The following AFF3 variants were observed in gnomAD, a reference collection of about 807,000 sequenced individuals.
The protein encoded by AFF3 is AF4/FMR2 family member 3.
In AFF3, 32 loss-of-function variants were observed where a neutral mutation model predicts 129.7. That is an observed-to-expected ratio of 0.25 (90% CI 0.19 to 0.33). The LOEUF is 0.33. Ranked by LOEUF, AFF3 falls within the 10% of genes least tolerant of loss-of-function variation. The probability of loss-of-function intolerance (pLI) is 1.00; values close to 1 mark genes in which losing one functional copy is unlikely to be tolerated. For missense variants in AFF3, 1,373 were observed against 1,592.0 expected (o/e 0.86, Z 2.34); for synonymous variants, 644 against 635.4 (o/e 1.01, Z -0.20).
chr2:99,908,582 C>G (rs111842926), intron 7 of AFF3, among the ~76,000 whole-genome samples: 257 of 152,136 alleles, frequency 1.7e-3, no homozygotes, highest in African/African-American at 6.0e-3. Context: ...ACTCATCTGA[C>G]AAAGGGAATA....
intron 10 of AFF3, among the ~76,000 whole-genome samples, chr2:99,732,246 T>G (rs1468878418): frequency 2.0e-5 from 3 of 151,374 alleles, no homozygotes; most frequent in Non-Finnish European, 2.9e-5. Flanking sequence ...TCCTAGCTAC[T>G]CGGGAGGCTG....
At chr2:100,057,138 C>T (rs759430124) in intron 4 of AFF3, among the ~76,000 whole-genome samples, 6 of 151,992 alleles carry the variant, frequency 3.9e-5, no homozygotes, top group Admixed American at 1.3e-4. Flanking sequence ...GTGGCCAACA[C>T]GGTGAAACTC....
intron 7 of AFF3, among the ~76,000 whole-genome samples, chr2:99,975,351 C>T (rs1276707490): frequency 6.6e-6 from 1 of 152,176 alleles, no homozygotes; most frequent in African/African-American, 2.4e-5. Flanking sequence ...AATTATCTAA[C>T]TATCTAGACT....
intron 4 of AFF3, among the ~76,000 whole-genome samples, chr2:100,096,594 A>G (rs1690315780): frequency 6.7e-6 from 1 of 149,218 alleles, no homozygotes; most frequent in Non-Finnish European, 1.5e-5. Flanking sequence ...TGGTCTGTGG[A>G]CCAAAACTAA....
In AFF3 at chr2:99,769,534, C is replaced by A. The variant is rs572641070; in HGVS notation, c.922-17233G>T. 2.0e-5 allele frequency among the ~76,000 whole-genome samples: 3 copies of A among 152,200 alleles called. No individual in the cohort carries two copies. The East Asian group carries it at 5.8e-4, about 29-fold the overall frequency. On this transcript the variant is annotated intron_variant, in intron 8 of 24. Transcript: ENST00000672756. ...TAGTTCATTTGGTGAGGCTGTTTTC[C>A]TGGATGATGTTGATGCTTGCAGATG... is the stretch of plus-strand genomic sequence containing the variant.
Position 99,593,699 on chromosome 2 carries a change from C to G in AFF3, c.1962G>C (p.Gly654=), listed in dbSNP as rs1225404344. 1.2e-6 allele frequency: 2 copies of G among 1,608,962 alleles called. No individual in the cohort carries two copies. Among genetic ancestry groups the G allele is most frequent in the Non-Finnish European group, 1.7e-6 (2 of 1,176,930 alleles). ...SVTCEKRRTR[G]LSRIVPKSKE... is the part of the protein sequence containing the mutation. ...TGGATTTGGGGACGATCCTGCTTAG[C>G]CCCCGCGTGCGGCGCTTCTCGCAGG... The change falls in exon 15 of 25, where the codon GGG becomes GGC. Residue 654 remains glycine, a synonymous_variant. Coordinates refer to ENST00000672756, the MANE Select transcript of AFF3 (RefSeq NM_001386135.1).
At chr2:100,002,981 CT>C (rs1349401917) in intron 7 of AFF3, among the ~76,000 whole-genome samples, 1 of 151,896 alleles carries the variant, frequency 6.6e-6, no homozygotes, top group Non-Finnish European at 1.5e-5. Context: ...GCTAATGTAA[CT>C]TTTTTCAAAT....
At chr2:100,106,418 A>G in intron 2 of AFF3, 1 of 1,047,872 alleles carries the variant, frequency 9.5e-7, no homozygotes, top group Non-Finnish European at 1.2e-6. Context: ...ATCCCAATGC[A>G]CAGTGTATTT....
intron 7 of AFF3, among the ~76,000 whole-genome samples, chr2:99,918,984 T>TCC (rs1346788913): frequency 6.6e-6 from 1 of 152,188 alleles, no homozygotes; most frequent in African/African-American, 2.4e-5. Context: ...TGCCTGGCTA[T>TCC]CCTCCTTTAA....
intron 8 of AFF3, among the ~76,000 whole-genome samples, chr2:99,776,825 G>A (rs62150111): frequency 0.03 from 4,534 of 152,238 alleles, 83 homozygotes; most frequent in Non-Finnish European, 0.04. Context: ...GTAAGGGCTC[G>A]GCTCTGAGGC....
intron 11 of AFF3, among the ~76,000 whole-genome samples, chr2:99,714,057 AT>A (rs1309938329): frequency 6.6e-6 from 1 of 152,126 alleles, no homozygotes; most frequent in Non-Finnish European, 1.5e-5. Flanking sequence ...GGACCTTCCA[AT>A]GTCGTGCCAG....
At chr2:99,643,337 C>T (rs984765834) in intron 13 of AFF3, among the ~76,000 whole-genome samples, 7 of 152,274 alleles carry the variant, frequency 4.6e-5, no homozygotes, top group East Asian at 1.9e-4. Context: ...GGATTACAGG[C>T]ATGAGCTACC....
At chr2:99,982,392 G>C (rs1028331863) in intron 7 of AFF3, among the ~76,000 whole-genome samples, 2 of 152,084 alleles carry the variant, frequency 1.3e-5, no homozygotes, top group African/African-American at 4.8e-5. Context: ...TTCTTGCCTT[G>C]CCTTCCGCCA....
intron 7 of AFF3, among the ~76,000 whole-genome samples, chr2:99,925,539 A>C (rs1453906684): frequency 1.3e-5 from 2 of 152,166 alleles, no homozygotes; most frequent in African/African-American, 2.4e-5. Context: ...CACTCAGTGA[A>C]AGTTTGTGAA....
intron 1 of AFF3, among the ~76,000 whole-genome samples, chr2:100,132,134 TAGAC>T (rs1374561880): frequency 6.6e-6 from 1 of 152,186 alleles, no homozygotes; most frequent in East Asian, 1.9e-4. Context: ...ATGCCTCAGT[TAGAC>T]AGGAGGAATA....
chr2:100,018,264 G>A (rs1194664281), intron 4 of AFF3, among the ~76,000 whole-genome samples: 1 of 152,124 alleles, frequency 6.6e-6, no homozygotes, highest in Non-Finnish European at 1.5e-5. Flanking sequence ...GCCATGGTAA[G>A]TTCATTTTAT....
At chr2:99,694,686 A>G (rs7585285) in intron 11 of AFF3, among the ~76,000 whole-genome samples, 11,598 of 152,204 alleles carry the variant, frequency 0.076, 504 homozygotes, top group East Asian at 0.11. Flanking sequence ...AACAAAAACA[A>G]AAACAAAAAC....
intron 4 of AFF3, among the ~76,000 whole-genome samples, chr2:100,040,931 C>T (rs1462308154): frequency 6.6e-6 from 1 of 152,228 alleles, no homozygotes; most frequent in East Asian, 1.9e-4. Flanking sequence ...GTCAAGCCAT[C>T]ATCAGGTTAC....
intron 13 of AFF3, among the ~76,000 whole-genome samples, chr2:99,618,972 C>G (rs1334202668): frequency 6.6e-6 from 1 of 152,134 alleles, no homozygotes; most frequent in Non-Finnish European, 1.5e-5. Flanking sequence ...GTCTAGAACT[C>G]CTGGCCTCAA....
Sources: gnomAD v4.1 joint callset for allele counts (sites outside exome capture counted in the v4.1 genomes callset) on GRCh38, gnomAD v4.1.1 for gene constraint, MANE v1.5 for transcripts, NCBI Gene and HGNC (gene_info 2026-07-23, HGNC 2026-07-21) for gene names.